The following SUSD1 variants were observed in gnomAD, a reference collection of about 807,000 sequenced individuals.
The protein encoded by SUSD1 is sushi domain-containing protein 1.
Under a neutral mutation model 86.9 loss-of-function variants are expected in SUSD1, and 65 were observed. The observed-to-expected ratio is 0.75, with a 90% CI of 0.61 to 0.92. SUSD1 has a LOEUF of 0.92. Among genes scored for constraint, SUSD1 ranks in the 40% least tolerant of loss-of-function variants. SUSD1 has a pLI of 0.00. For synonymous variants in SUSD1, 346 were observed against 350.0 expected (o/e 0.99, Z 0.13); for missense variants, 850 against 929.7 (o/e 0.91, Z 1.11).
intron 11 of SUSD1, 32 bp from the exon 12 acceptor site, chr9:112,078,756 G>A (rs187005514): frequency 6.3e-7 from 1 of 1,595,480 alleles, no homozygotes; most frequent in Admixed American, 1.7e-5. Context: ...TGGGTGAATG[G>A]TTGGCCTAAA....
chr9:112,175,231 C>A lies in SUSD1; in HGVS notation c.5G>T (p.Gly2Val), dbSNP rs1482811356. MGRGPWDAGPSR... is the reference protein window; with the variant it reads MVRGPWDAGPSR... ...CGGGCCCGCATCCCAGGGCCCCCGG[C>A]CCATGCCGCCGCCGGTCCCTCCCGG... Residue 2 changes from glycine to valine, a missense_variant, in exon 1 of 17, where the codon GGC (glycine) becomes GTC (valine). Transcript: ENST00000374270. This position sits in a 1 kb window ranked among gnomAD's most constrained non-coding sequence, Gnocchi z 4.7. 3 of 1,154,842 alleles carry A rather than the reference C, an allele frequency of 2.6e-6. No homozygotes were observed. Among genetic ancestry groups the A allele is most frequent in the African/African-American group, 1.6e-5 (1 of 61,334 alleles). 71.5% of individuals were successfully genotyped at this position (1,154,842 alleles called of 1,614,324 possible). A position where few individuals can be genotyped will look rare whatever the true frequency, so the allele number is the denominator to read the frequency against.
Position 112,112,771 on chromosome 9 carries a change from C to T in SUSD1, c.984G>A (p.Val328=). The T allele has an allele frequency of 6.2e-7, 1 of 1,606,622 alleles. No individual in the cohort carries two copies. Among genetic ancestry groups the T allele is most frequent in the Non-Finnish European group, 8.5e-7 (1 of 1,173,328 alleles). ...SRRINPKISY[V]ISIKGQRLDP... ...GGAAAAAGTAGATCACTTTACTTACCACATATGAGATCTTGGGGTTTATTC... is the reference window on the plus strand; with the variant it reads ...GGAAAAAGTAGATCACTTTACTTACTACATATGAGATCTTGGGGTTTATTC... Residue 328 remains valine, a splice_region_variant and synonymous_variant, in exon 7 of 17, where the codon GTG becomes GTA. Coordinates refer to ENST00000374270, the MANE Select transcript of SUSD1 (RefSeq NM_022486.5).
intron 5 of SUSD1, among the ~76,000 whole-genome samples, chr9:112,126,425 C>G (rs1831775229): frequency 6.6e-6 from 1 of 152,142 alleles, no homozygotes; most frequent in African/African-American, 2.4e-5. Context: ...GGCATGATGA[C>G]TTTGGTTGGG....
chr9:112,169,748 C>G (rs1233168051), intron 1 of SUSD1, among the ~76,000 whole-genome samples: 3 of 150,338 alleles, frequency 2.0e-5, no homozygotes, highest in Non-Finnish European at 4.4e-5. Context: ...GATCTCGGCT[C>G]ACTGCAACCT....
At chr9:112,120,897 C>G (rs1831527364) in intron 6 of SUSD1, among the ~76,000 whole-genome samples, 1 of 152,236 alleles carries the variant, frequency 6.6e-6, no homozygotes, top group South Asian at 2.1e-4. Flanking sequence ...GGCTCACAAG[C>G]TATACCCAGC....
intron 12 of SUSD1, among the ~76,000 whole-genome samples, chr9:112,075,857 C>T (rs1003901065): frequency 6.6e-6 from 1 of 152,174 alleles, no homozygotes; most frequent in African/African-American, 2.4e-5. Flanking sequence ...GTTGAGCAGG[C>T]ACCTGAACAA....
intron 14 of SUSD1, among the ~76,000 whole-genome samples, chr9:112,052,760 C>T (rs768565910): frequency 3.9e-5 from 6 of 152,126 alleles, no homozygotes; most frequent in Non-Finnish European, 7.4e-5. Context: ...TGGCATGGAC[C>T]GCCTAGAGAA....
chr9:112,072,059 G>A (rs968929277), intron 12 of SUSD1, among the ~76,000 whole-genome samples: 7 of 151,264 alleles, frequency 4.6e-5, no homozygotes, highest in South Asian at 2.1e-4. Context: ...ATAACCAATC[G>A]AAAAATATTT....
intron 12 of SUSD1, among the ~76,000 whole-genome samples, chr9:112,069,353 C>A (rs1206737422): frequency 6.6e-6 from 1 of 152,192 alleles, no homozygotes; most frequent in African/African-American, 2.4e-5. Flanking sequence ...GTCTAGGCCT[C>A]ACATCACTCA....
rs566128170 is a variant in SUSD1, at chr9:112,064,633, TGGAAGGCCAAGGCAGGCGGATCACCGGA to T, written c.1754-1628_1754-1601del. 2.5e-3 allele frequency among the ~76,000 whole-genome samples: 386 copies of T among 152,266 alleles called. 2 individuals carry two copies. Among genetic ancestry groups the T allele is most frequent in the Non-Finnish European group, 4.7e-3 (321 of 68,006 alleles). On this transcript the variant is annotated intron_variant, in intron 12 of 16. Coordinates refer to ENST00000374270, the MANE Select transcript of SUSD1 (RefSeq NM_022486.5). ...GCTCACGCCTGTAATCCCAGCACTT[TGGAAGGCCAAGGCAGGCGGATCACCGGA>T]GGCCAGGAGTTTGAGACCAGCCTGG...
intron 10 of SUSD1, among the ~76,000 whole-genome samples, chr9:112,093,314 A>T (rs1343252016): frequency 6.6e-6 from 1 of 152,190 alleles, no homozygotes; most frequent in Non-Finnish European, 1.5e-5. Context: ...TTGCCACCCA[A>T]ACAAAAGGCA....
chr9:112,059,043 C>T (rs1200796404), intron 13 of SUSD1, among the ~76,000 whole-genome samples: 5 of 152,318 alleles, frequency 3.3e-5, no homozygotes, highest in African/African-American at 9.6e-5. Flanking sequence ...CCACCCGCCT[C>T]GGCCTCCCAG....
At chr9:112,082,728 G>GT (rs1036516538) in intron 10 of SUSD1, among the ~76,000 whole-genome samples, 18 of 151,650 alleles carry the variant, frequency 1.2e-4, no homozygotes, top group Non-Finnish European at 2.2e-4. Flanking sequence ...GTTTTGTTTT[G>GT]TTTTTTTGAG....
chr9:112,151,871 C>T (rs1447217208), intron 2 of SUSD1, among the ~76,000 whole-genome samples: 2 of 150,482 alleles, frequency 1.3e-5, no homozygotes, highest in Non-Finnish European at 3.0e-5. Context: ...CCCGTCTCTA[C>T]TAAAAATACA....
chr9:112,059,309 T>C (rs117909776), intron 13 of SUSD1, among the ~76,000 whole-genome samples: 1 of 152,354 alleles, frequency 6.6e-6, no homozygotes, highest in East Asian at 1.9e-4. Context: ...TTGTTGCAAG[T>C]ATCACTGCCC....
intron 14 of SUSD1, among the ~76,000 whole-genome samples, chr9:112,056,786 C>G (rs777283439): frequency 3.3e-5 from 5 of 151,872 alleles, no homozygotes; most frequent in Admixed American, 2.0e-4. Context: ...GGCATGATCT[C>G]AGCTCAGTGC....
intron 7 of SUSD1, chr9:112,112,058 G>T (rs905863294): frequency 6.0e-5 from 28 of 466,546 alleles, no homozygotes; most frequent in Non-Finnish European, 9.9e-5. Context: ...CCTAGGAAGT[G>T]CTCTCCTGCA....
chr9:112,138,244 T>TATGTATATACAC (rs1832374751), intron 5 of SUSD1, among the ~76,000 whole-genome samples: 2 of 98,292 alleles, frequency 2.0e-5, no homozygotes, highest in African/African-American at 1.1e-4. Flanking sequence ...TGTGTATATA[T>TATGTATATACAC]ATATATATAT....
At position 112,086,538 on chromosome 9, in the gene SUSD1, AAAAG is replaced by A. The variant is rs1207460816; in HGVS notation, c.1475-6377_1475-6374del. On this transcript the variant is annotated intron_variant, in intron 10 of 16. Transcript: ENST00000374270. The stretch of plus-strand genomic sequence containing the variant: ...AGAAAGAAAGAGAGAGAGAGAGAAA[AAAAG>A]AAAGAAAGAAAGAAAGAAAGAGAGA... Among the ~76,000 whole-genome samples, 1,290 of 137,976 alleles carry A rather than the reference AAAAG, an allele frequency of 9.3e-3. 12 individuals are homozygous for A. The highest frequency in any genetic ancestry group is 0.012 in the African/African-American group (366 of 29,666). 90.5% of individuals were successfully genotyped at this position (137,976 alleles called of 152,430 possible). A position where few individuals can be genotyped will look rare whatever the true frequency, so the allele number is the denominator to read the frequency against.
Sources: gnomAD v4.1 joint callset for allele counts (sites outside exome capture counted in the v4.1 genomes callset) on GRCh38, gnomAD v4.1.1 for gene constraint, Gnocchi (gnomAD v3.1) non-coding constraint, MANE v1.5 for transcripts, NCBI Gene and HGNC (gene_info 2026-07-23, HGNC 2026-07-21) for gene names.